The following SYN1 variants were observed in gnomAD, a reference collection of about 807,000 sequenced individuals.
The protein encoded by SYN1 is synapsin I.
Under a neutral mutation model 44.6 loss-of-function variants are expected in SYN1, and 8 were observed. The ratio of observed to expected loss-of-function variants is 0.18; its 90% CI spans 0.11 to 0.32. The LOEUF is 0.32. SYN1 is among the 10% of genes least tolerant of loss of function. The probability of loss-of-function intolerance (pLI) is 1.00; values close to 1 mark genes in which losing one functional copy is unlikely to be tolerated. For synonymous variants in SYN1, 275 were observed against 280.1 expected (o/e 0.98, Z 0.18); for missense variants, 451 against 639.4 (o/e 0.71, Z 3.18).
chrX:47,597,609 G>A (rs1409404528), intron 5 of SYN1, among the ~76,000 whole-genome samples: 1 of 111,129 alleles, frequency 9.0e-6, no homozygotes, highest in Non-Finnish European at 1.9e-5. Context: ...AAAAAAAGGT[G>A]CAAGAAAGAC....
intron 5 of SYN1, among the ~76,000 whole-genome samples, chrX:47,581,310 C>T (rs1172520811): frequency 8.9e-6 from 1 of 112,342 alleles, no homozygotes; most frequent in Non-Finnish European, 1.9e-5. Flanking sequence ...GATCTATCCT[C>T]CTCGAATTAA....
rs1357882662 is a variant in SYN1 at position 47,574,280 on chromosome X, G to C, written c.1704C>G (p.Ser568=). The change falls in exon 12 of 13, where the codon TCC becomes TCG. Residue 568 remains serine (S), a synonymous_variant. Coordinates refer to ENST00000295987, the MANE Select transcript of SYN1 (RefSeq NM_006950.3). ...CCTTTGGCGGAGCCGGGCCAGAGAC[G>C]GATGTCTGACGGGTAGCCTGTGGGG... ...AGPPQATRQT[S]VSGPAPPKAS... 9.1e-7 allele frequency: 1 copy of C among 1,103,975 alleles called. No homozygotes were observed. The highest frequency in any genetic ancestry group is 3.1e-5 in the Admixed American group (1 of 32,021). 91.0% of individuals were successfully genotyped at this position (1,103,975 alleles called of 1,213,427 possible).
intron 1 of SYN1, among the ~76,000 whole-genome samples, chrX:47,613,928 A>G (rs2057923988): frequency 8.9e-6 from 1 of 111,863 alleles, no homozygotes. Context: ...TTGGGGACAC[A>G]GAGGTTAGGA....
intron 1 of SYN1, among the ~76,000 whole-genome samples, chrX:47,614,456 A>G (rs759481698): frequency 9.0e-6 from 1 of 111,184 alleles, no homozygotes; most frequent in Non-Finnish European, 1.9e-5. Context: ...GAGGATGAAT[A>G]TCATTTATGA....
chrX:47,603,906 A>ATT (rs869237796), intron 5 of SYN1, among the ~76,000 whole-genome samples: 17 of 94,773 alleles, frequency 1.8e-4, no homozygotes, highest in East Asian at 3.2e-4. Context: ...ATATATATAT[A>ATT]TTTTTTTTTT....
rs2057941196 is a variant in SYN1, at chrX:47,619,459, C to T, written c.270G>A (p.Ala90=). 3.3e-6 allele frequency: 4 copies of T among 1,196,009 alleles called. No individual in the cohort carries two copies. The highest frequency in any genetic ancestry group is 3.0e-5 in the East Asian group (1 of 33,590). Residue 90 remains alanine (A), a synonymous_variant, in exon 1 of 13, where the codon GCG becomes GCA. Coordinates refer to ENST00000295987, the MANE Select transcript of SYN1 (RefSeq NM_006950.3). ...CCTGCTCGCTGAAGGTGGCAGCTGCCGCCGCCGTGGTCTGCTTGACCGCGT... is the reference window on the plus strand; with the variant it reads ...CCTGCTCGCTGAAGGTGGCAGCTGCTGCCGCCGTGGTCTGCTTGACCGCGT... ...LSNAVKQTTA[A]AAATFSEQVG...
chrX:47,613,154 A>G (rs1209332094), intron 1 of SYN1, among the ~76,000 whole-genome samples: 1 of 108,112 alleles, frequency 9.2e-6, no homozygotes, highest in East Asian at 2.9e-4. Flanking sequence ...AAAAAAAAAA[A>G]AAGGGAGGAG....
intron 5 of SYN1, among the ~76,000 whole-genome samples, chrX:47,591,735 G>T (rs1246450901): frequency 9.5e-6 from 1 of 104,995 alleles, no homozygotes; most frequent in Non-Finnish European, 1.9e-5. Context: ...AAAAAAAAAA[G>T]TTAGTATATA....
At position 47,572,752 on chromosome X, in the gene SYN1, T is replaced by G; in HGVS notation, c.*112A>C. 1.0e-5 allele frequency: 11 copies of G among 1,100,988 alleles called. No individual in the cohort carries two copies. Among genetic ancestry groups the G allele is most frequent in the Non-Finnish European group, 1.4e-5 (11 of 803,081 alleles). The allele number at this position is 1,100,988 out of a possible 1,213,427, so 90.7% of individuals were successfully genotyped here. On this transcript the variant is annotated 3_prime_UTR_variant, in exon 13 of 13. Transcript: ENST00000295987. ...TCTTGAGGAATGAGAGGTGGAATCT[T>G]GGAGAACCGGGAGATGGGTTCTCAA...
intron 5 of SYN1, chrX:47,585,348 G>A (rs775338581): frequency 1.1e-5 from 13 of 1,209,176 alleles, no homozygotes; most frequent in Non-Finnish European, 1.2e-5. Context: ...CACCGTCCCC[G>A]CGCCCTGTGC....
At chrX:47,577,017 C>T (rs906544859) in intron 6 of SYN1, among the ~76,000 whole-genome samples, 6 of 111,249 alleles carry the variant, frequency 5.4e-5, no homozygotes, top group African/African-American at 1.6e-4. Flanking sequence ...TACAGAAACT[C>T]GGACACAAAT....
chrX:47,596,002 A>C (rs746361767), intron 5 of SYN1, among the ~76,000 whole-genome samples: 4 of 112,489 alleles, frequency 3.6e-5, no homozygotes, highest in African/African-American at 9.7e-5. Flanking sequence ...TGGCATTTGA[A>C]CTTCTCTTGT....
At chrX:47,601,663 T>C (rs1440254190) in intron 5 of SYN1, among the ~76,000 whole-genome samples, 2 of 112,160 alleles carry the variant, frequency 1.8e-5, no homozygotes, top group Non-Finnish European at 3.8e-5. Context: ...ACTGTCCAAC[T>C]TATTCTATGA....
At chrX:47,578,715 G>A (rs2057785799) in intron 5 of SYN1, among the ~76,000 whole-genome samples, 1 of 111,715 alleles carries the variant, frequency 9.0e-6, no homozygotes, top group African/African-American at 3.3e-5. Flanking sequence ...CCACAGCACA[G>A]CTGCACAGTG....
chrX:47,573,767 T>C (rs1487967196), intron 12 of SYN1, among the ~76,000 whole-genome samples: 2 of 110,352 alleles, frequency 1.8e-5, no homozygotes, highest in Non-Finnish European at 3.8e-5. Flanking sequence ...GAATTCGAAC[T>C]GAGTGCAGTT....
intron 5 of SYN1, among the ~76,000 whole-genome samples, chrX:47,592,868 G>T (rs965563931): frequency 1.8e-5 from 2 of 111,002 alleles, no homozygotes; most frequent in Non-Finnish European, 3.8e-5. Context: ...TGCTGTTACT[G>T]CATTCTTTTT....
chrX:47,581,199 G>A (rs2057797171), intron 5 of SYN1, among the ~76,000 whole-genome samples: 1 of 112,240 alleles, frequency 8.9e-6, no homozygotes, highest in South Asian at 3.7e-4. Flanking sequence ...TAGCAAGGGA[G>A]TATGGTGAGT....
Position 47,574,581 on chromosome X carries a change from G to T in SYN1, c.1403C>A (p.Pro468Gln). Residue 468 changes from proline (P) to glutamine (Q), a missense_variant, in exon 12 of 13, where the codon CCA becomes CAA. By Grantham distance (76) the Pro-to-Gln change is moderately conservative. This residue lies in a region of SYN1 where 315 missense variants were observed against 451.4 expected (regional missense o/e 0.70). Transcript: ENST00000295987. ...GCGCTGGGGGCCTGGACCCGGCTGTGGAGGGCCGCCTGGGGGACAGAGGGA... is the reference window on the plus strand; with the variant it reads ...GCGCTGGGGGCCTGGACCCGGCTGTTGAGGGCCGCCTGGGGGACAGAGGGA... ...QQRPPPQGGP[P>Q]QPGPGPQRQG... The T allele has an allele frequency of 9.1e-7, 1 of 1,102,630 alleles. No homozygotes were observed. The highest frequency in any genetic ancestry group is 1.2e-6 in the Non-Finnish European group (1 of 837,754). The allele number at this position is 1,102,630 out of a possible 1,213,427, so 90.9% of individuals were successfully genotyped here. A position where few individuals can be genotyped will look rare whatever the true frequency, so the allele number is the denominator to read the frequency against.
chrX:47,617,407 GTAAATTTAC>G (rs2057934476), intron 1 of SYN1, among the ~76,000 whole-genome samples: 1 of 111,065 alleles, frequency 9.0e-6, no homozygotes, highest in Non-Finnish European at 1.9e-5. Flanking sequence ...AGTAAATTTA[GTAAATTTAC>G]TAAATTTATT....
Sources: allele counts gnomAD v4.1 joint callset (sites outside exome capture counted in the v4.1 genomes callset), GRCh38; gene constraint gnomAD v4.1.1; regional missense constraint gnomAD v4.1.1; transcripts MANE v1.5; gene names NCBI Gene and HGNC (gene_info 2026-07-23, HGNC 2026-07-21).